PIK3R1: variants seen among roughly 807,000 people sequenced by gnomAD.
The protein encoded by PIK3R1 is phosphatidylinositol 3-kinase regulatory subunit alpha.
PIK3R1 carries 29 observed loss-of-function variants against 98.0 expected under a neutral mutation model. The observed-to-expected ratio is 0.30, with a 90% CI of 0.22 to 0.40. PIK3R1 has a LOEUF of 0.40. Ranked by LOEUF, PIK3R1 falls within the 10% of genes least tolerant of loss-of-function variation. The pLI, the probability that PIK3R1 is intolerant of heterozygous loss-of-function variation, is 1.00. For synonymous variants in PIK3R1, 282 were observed against 311.8 expected (o/e 0.90, Z 1.01); for missense variants, 596 against 872.7 (o/e 0.68, Z 3.99).
At chr5:68,292,228 T>C (rs748167588) in intron 7 of PIK3R1, 31 bp from the exon 8 acceptor site, 3 of 1,417,782 alleles carry the variant, frequency 2.1e-6, no homozygotes, top group Non-Finnish European at 3.0e-6. Flanking sequence ...GTAGTTGGGA[T>C]TGCGAACAAC....
rs7712126 is a variant in PIK3R1 at position 68,301,460 on chromosome 5, A to C, written c.*3859A>C. On this transcript the variant is annotated 3_prime_UTR_variant, in exon 16 of 16. Transcript: ENST00000521381. Reference sequence around the variant, plus strand: ...TGTGTGTATATATATATATATGTGTATATATATATGTATATACATATATGT... The same window carrying C: ...TGTGTGTATATATATATATATGTGTCTATATATATGTATATACATATATGT... 1 of 132,960 alleles carries C rather than the reference A, an allele frequency of 7.5e-6. No homozygotes were observed. The highest frequency in any genetic ancestry group is 2.9e-5 in the African/African-American group (1 of 34,572). The allele number at this position is 132,960 out of a possible 1,614,324, so 8.2% of individuals were successfully genotyped here. A position where few individuals can be genotyped will look rare whatever the true frequency, so the allele number is the denominator to read the frequency against.
intron 2 of PIK3R1, among the ~76,000 whole-genome samples, chr5:68,237,651 A>G (rs558807247): frequency 6.6e-6 from 1 of 152,182 alleles, no homozygotes; most frequent in Non-Finnish European, 1.5e-5. Flanking sequence ...TCTGACTGGT[A>G]GTCCTGACAC....
chr5:68,243,568 C>G (rs1744949119), intron 2 of PIK3R1, among the ~76,000 whole-genome samples: 2 of 152,136 alleles, frequency 1.3e-5, no homozygotes, highest in South Asian at 2.1e-4. Context: ...TCTTTCTTTC[C>G]CAGAATGGTC....
intron 1 of PIK3R1, among the ~76,000 whole-genome samples, chr5:68,224,245 AG>A (rs1744199478): frequency 6.6e-6 from 1 of 152,212 alleles, no homozygotes; most frequent in Admixed American, 6.5e-5. Context: ...GAGATTTGCT[AG>A]TTCTACATTT....
Position 68,298,477 on chromosome 5 carries a change from CCA to C in PIK3R1, c.*877_*878del, listed in dbSNP as rs1329198180. 4.3e-6 allele frequency: 1 copy of C among 233,124 alleles called. No homozygotes were observed. The highest frequency in any genetic ancestry group is 1.8e-4 in the South Asian group (1 of 5,510). 14.4% of individuals were successfully genotyped at this position (233,124 alleles called of 1,614,324 possible). A position where few individuals can be genotyped will look rare whatever the true frequency, so the allele number is the denominator to read the frequency against. On this transcript the variant is annotated 3_prime_UTR_variant, in exon 16 of 16. Coordinates refer to ENST00000521381, the MANE Select transcript of PIK3R1 (RefSeq NM_181523.3). ...TACCTTCAGAATAAGCTTCCCCACCCCAGTTTTTGTTGCTTGAAAATATTGTT... is the reference window on the plus strand; with the variant it reads ...TACCTTCAGAATAAGCTTCCCCACCCGTTTTTGTTGCTTGAAAATATTGTT...
chr5:68,251,219 T>C (rs1745294251), intron 2 of PIK3R1, among the ~76,000 whole-genome samples: 1 of 152,102 alleles, frequency 6.6e-6, no homozygotes, highest in Admixed American at 6.5e-5. Context: ...AAGGTAAAAT[T>C]CCTGGATCCT....
intron 2 of PIK3R1, among the ~76,000 whole-genome samples, chr5:68,257,563 T>A (rs1745569103): frequency 6.6e-6 from 1 of 152,230 alleles, no homozygotes; most frequent in East Asian, 1.9e-4. Flanking sequence ...TGCTAATACT[T>A]TTACTCCTAT....
At chr5:68,288,329 C>A (rs1300286984) in intron 7 of PIK3R1, 1 of 850,240 alleles carries the variant, frequency 1.2e-6, no homozygotes, top group Non-Finnish European at 1.5e-6. Flanking sequence ...CCTAGCTCAG[C>A]AAATATTTGA....
chr5:68,224,849 ACT>A (rs1239445429), intron 1 of PIK3R1, among the ~76,000 whole-genome samples: 13 of 152,224 alleles, frequency 8.5e-5, no homozygotes, highest in African/African-American at 3.1e-4. Context: ...TGACTTAGTA[ACT>A]CTCTAATTCC....
intron 2 of PIK3R1, among the ~76,000 whole-genome samples, chr5:68,242,140 G>C (rs1486272956): frequency 6.6e-6 from 1 of 152,246 alleles, no homozygotes; most frequent in Non-Finnish European, 1.5e-5. Flanking sequence ...TATTTGAATA[G>C]TGTTAGTTTG....
chr5:68,276,302 T>C (rs1291956664), intron 4 of PIK3R1, among the ~76,000 whole-genome samples: 1 of 152,176 alleles, frequency 6.6e-6, no homozygotes, highest in Non-Finnish European at 1.5e-5. Flanking sequence ...CCTCTACCCA[T>C]GAGGTGCCAG....
At chr5:68,217,309 G>C (rs114562653) in intron 1 of PIK3R1, among the ~76,000 whole-genome samples, 1 of 152,180 alleles carries the variant, frequency 6.6e-6, no homozygotes, top group Non-Finnish European at 1.5e-5. Flanking sequence ...CAACCTTAAA[G>C]ATGGTTAGAT....
chr5:68,267,344 GT>G (rs1446875378), intron 2 of PIK3R1, among the ~76,000 whole-genome samples: 2 of 152,148 alleles, frequency 1.3e-5, no homozygotes, highest in Non-Finnish European at 2.9e-5. Flanking sequence ...CCTGCTGTTT[GT>G]TTTCTATACC....
At chr5:68,239,702 C>T (rs1744800200) in intron 2 of PIK3R1, among the ~76,000 whole-genome samples, 1 of 152,208 alleles carries the variant, frequency 6.6e-6, no homozygotes, top group Non-Finnish European at 1.5e-5. Flanking sequence ...TTAATGTTCA[C>T]ACTGCTTGAT....
intron 2 of PIK3R1, among the ~76,000 whole-genome samples, chr5:68,235,430 A>AAATG (rs1744630358): frequency 6.6e-6 from 1 of 151,570 alleles, no homozygotes; most frequent in Non-Finnish European, 1.5e-5. Context: ...ATAAATAAAT[A>AAATG]AATAAATAAA....
rs1745663935 is a variant in PIK3R1 at position 68,259,765 on chromosome 5, G to GC, written c.335-13619dup. Among the ~76,000 whole-genome samples the GC allele has an allele frequency of 2.0e-5, 3 of 152,212 alleles. No homozygotes were observed. In the South Asian group the frequency reaches 6.2e-4, roughly 32 times the overall value. On this transcript the variant is annotated intron_variant, in intron 2 of 15. Transcript: ENST00000521381. ...AATGTCCAAAGTAGTGCATTGAGCT[G>GC]CCCCCCAAAAGGGGCACAGTTTGTA...
intron 7 of PIK3R1, among the ~76,000 whole-genome samples, chr5:68,286,014 G>T (rs1747062874): frequency 6.6e-6 from 1 of 152,158 alleles, no homozygotes; most frequent in African/African-American, 2.4e-5. Context: ...TCCAGAAAAA[G>T]AAGAAGTTTT....
intron 2 of PIK3R1, among the ~76,000 whole-genome samples, chr5:68,262,662 T>G (rs1393045217): frequency 1.5e-5 from 2 of 134,932 alleles, no homozygotes; most frequent in Non-Finnish European, 3.1e-5. Context: ...TCTGCATGTA[T>G]ACACATGTAG....
At position 68,239,894 on chromosome 5, in the gene PIK3R1, C is replaced by T. The variant is rs1862161; in HGVS notation, c.334+12885C>T. On this transcript the variant is annotated intron_variant, in intron 2 of 15. Transcript: ENST00000521381. ...TAAAGCAGATGTGTGAGTTACTATTCCTTACAGCAAAAGAACCTCATCAGA... is the reference window on the plus strand; with the variant it reads ...TAAAGCAGATGTGTGAGTTACTATTTCTTACAGCAAAAGAACCTCATCAGA... 8.1e-3 allele frequency: 4,077 copies of T among 503,466 alleles called. 260 individuals are homozygous for T. The Admixed American group carries it at 0.085, about 11-fold the overall frequency. The allele number at this position is 503,466 out of a possible 1,614,324, so 31.2% of individuals were successfully genotyped here. A position where few individuals can be genotyped will look rare whatever the true frequency, so the allele number is the denominator to read the frequency against.
Sources: allele counts gnomAD v4.1 joint callset (sites outside exome capture counted in the v4.1 genomes callset), GRCh38; gene constraint gnomAD v4.1.1; transcripts MANE v1.5; gene names NCBI Gene and HGNC (gene_info 2026-07-23, HGNC 2026-07-21).